RGS18: variants seen among roughly 807,000 people sequenced by gnomAD.
RGS18 encodes regulator of G-protein signaling 18.
A neutral mutation model predicts 27.6 loss-of-function variants in RGS18; 22 were observed. That is an observed-to-expected ratio of 0.80 (90% CI 0.57 to 1.14). The LOEUF (loss-of-function observed/expected upper bound fraction) is 1.14, where lower values mean the gene tolerates loss of function less well. Among genes scored for constraint, RGS18 ranks in the 50% most tolerant of loss-of-function variants. RGS18 has a pLI of 0.00. For synonymous variants in RGS18, 89 were observed against 84.6 expected (o/e 1.05, Z -0.29); for missense variants, 299 against 269.6 (o/e 1.11, Z -0.76).
intron 3 of RGS18, chr1:192,169,454 T>C (rs1656219254): frequency 6.6e-6 from 1 of 152,176 alleles, no homozygotes; most frequent in Non-Finnish European, 1.5e-5. Context: ...TAACTGGCAT[T>C]TTATTTTGCC....
At chr1:192,176,799 AAAGT>A (rs1053794584) in intron 3 of RGS18, among the ~76,000 whole-genome samples, 3 of 151,774 alleles carry the variant, frequency 2.0e-5, no homozygotes, top group Admixed American at 2.0e-4. Flanking sequence ...ATAGTTGAAC[AAAGT>A]AAGGAATACA....
intron 3 of RGS18, among the ~76,000 whole-genome samples, chr1:192,176,687 C>A (rs1656364415): frequency 6.6e-6 from 1 of 151,576 alleles, no homozygotes; most frequent in African/African-American, 2.4e-5. Context: ...TCTCTGGTAC[C>A]TAGACCAGTG....
chr1:192,170,683 A>G (rs1259577544), intron 3 of RGS18, among the ~76,000 whole-genome samples: 1 of 151,950 alleles, frequency 6.6e-6, no homozygotes, highest in African/African-American at 2.4e-5. Flanking sequence ...AAAAAAAAAG[A>G]CAAGTAAAAC....
chr1:192,174,443 T>C (rs1260464418), intron 3 of RGS18, among the ~76,000 whole-genome samples: 1 of 151,838 alleles, frequency 6.6e-6, no homozygotes, highest in Non-Finnish European at 1.5e-5. Flanking sequence ...TTCAGTCGAA[T>C]TAATGATGTT....
chr1:192,171,225 G>A (rs531919568), intron 3 of RGS18, among the ~76,000 whole-genome samples: 1 of 152,038 alleles, frequency 6.6e-6, no homozygotes, highest in African/African-American at 2.4e-5. Flanking sequence ...CTCAGTGTGA[G>A]AAATCAATCT....
intron 3 of RGS18, chr1:192,168,104 T>G (rs941426740): frequency 3.9e-5 from 6 of 152,188 alleles, no homozygotes; most frequent in African/African-American, 1.4e-4. Flanking sequence ...GGCAGCTGCA[T>G]TCACCACTGC....
chr1:192,163,352 C>A (rs1164360823), intron 3 of RGS18: 1 of 152,102 alleles, frequency 6.6e-6, no homozygotes, highest in Non-Finnish European at 1.5e-5. Flanking sequence ...GACAGGATTT[C>A]TTTCACTTAA....
In RGS18 at chr1:192,185,359, A is replaced by T. The variant is rs1057491888; in HGVS notation, c.*805A>T. On this transcript the variant is annotated 3_prime_UTR_variant, in exon 5 of 5. Coordinates refer to ENST00000367460, the MANE Select transcript of RGS18 (RefSeq NM_130782.3). ...TAAGAAAACTTGCTACTAAACTATT[A>T]GGCCATCAATGGCTTGAATAAAAAC... 6 of 151,614 alleles carry T rather than the reference A, an allele frequency of 4.0e-5. No homozygotes were observed. Among genetic ancestry groups the T allele is most frequent in the African/African-American group, 1.5e-4 (6 of 41,368 alleles). 9.4% of individuals were successfully genotyped at this position (151,614 alleles called of 1,614,324 possible).
chr1:192,159,416 A>C, intron 2 of RGS18, 95 bp downstream of exon 2: 1 of 775,742 alleles, frequency 1.3e-6, no homozygotes, highest in Non-Finnish European at 2.2e-6. Flanking sequence ...TTTATTGAAA[A>C]TTACACAGCA....
chr1:192,158,548 T>TA lies in RGS18; in HGVS notation c.-89dup. ...TACTGTAAGAGTTGTGATAACTTTT[T>TA]ATTCTACTATGTATATGTATGGAAT... On this transcript the variant is annotated 5_prime_UTR_variant, in exon 1 of 5. Coordinates refer to ENST00000367460, the MANE Select transcript of RGS18 (RefSeq NM_130782.3). The TA allele has an allele frequency of 8.8e-7, 1 of 1,132,434 alleles. No homozygotes were observed. The highest frequency in any genetic ancestry group is 1.2e-6 in the Non-Finnish European group (1 of 857,602). The allele number at this position is 1,132,434 out of a possible 1,614,324, so 70.1% of individuals were successfully genotyped here.
At chr1:192,159,801 T>A (rs889794399) in intron 2 of RGS18, among the ~76,000 whole-genome samples, 2 of 152,116 alleles carry the variant, frequency 1.3e-5, no homozygotes, top group African/African-American at 4.8e-5. Flanking sequence ...TCTTCCAAAT[T>A]AGAGTATAAT....
chr1:192,163,661 T>C (rs1259365816), intron 3 of RGS18: 1 of 152,030 alleles, frequency 6.6e-6, no homozygotes, highest in Non-Finnish European at 1.5e-5. Context: ...AAATATATTA[T>C]ATTGAATTCA....
rs1464339988 is a variant in RGS18, at chr1:192,160,403, T to C, written c.247T>C (p.Trp83Arg). ...TRVSPEEAVK[W>R]GESFDKLLSH... ...AGTCTCCCCTGAAGAGGCAGTGAAA[T>C]GGGGTGAATCATTTGACAAACTGCT... Residue 83 changes from tryptophan to arginine, a missense_variant, in exon 3 of 5, where the codon TGG (tryptophan) becomes CGG (arginine). By Grantham distance (101) the Trp-to-Arg change is moderately radical. Coordinates refer to ENST00000367460, the MANE Select transcript of RGS18 (RefSeq NM_130782.3). 1.2e-6 allele frequency: 2 copies of C among 1,612,440 alleles called. No individual in the cohort carries two copies. The highest frequency in any genetic ancestry group is 1.7e-6 in the Non-Finnish European group (2 of 1,178,774).
At position 192,160,420 on chromosome 1, in the gene RGS18, C is replaced by CAAACT; in HGVS notation, c.265_269dup (p.Leu91AsnfsTer9). On this transcript the variant is annotated frameshift_variant, in exon 3 of 5. Coordinates refer to ENST00000367460, the MANE Select transcript of RGS18 (RefSeq NM_130782.3). LOFTEE classifies it high-confidence loss of function. Reference sequence around the variant, plus strand: ...CAGTGAAATGGGGTGAATCATTTGACAAACTGCTTTCCCATAGAGGTTAGT... The same window carrying CAAACT: ...CAGTGAAATGGGGTGAATCATTTGACAAACTAAACTGCTTTCCCATAGAGGTTAGT... 1 of 1,611,754 alleles carries CAAACT rather than the reference C, an allele frequency of 6.2e-7. No homozygotes were observed. The highest frequency in any genetic ancestry group is 8.5e-7 in the Non-Finnish European group (1 of 1,178,060).
chr1:192,159,641 A>G (rs539602720), intron 2 of RGS18, among the ~76,000 whole-genome samples: 2 of 152,306 alleles, frequency 1.3e-5, no homozygotes, highest in African/African-American at 4.8e-5. Flanking sequence ...CAATATTGTC[A>G]TAGCAGAGAG....
chr1:192,184,643 T>G lies in RGS18; in HGVS notation c.*89T>G. ...TTATGTTAAGATTTGGTCCCATCCTTTAAACTGAAATATGTCATGTGAAAT... is the reference window on the plus strand; with the variant it reads ...TTATGTTAAGATTTGGTCCCATCCTGTAAACTGAAATATGTCATGTGAAAT... On this transcript the variant is annotated 3_prime_UTR_variant, in exon 5 of 5. Coordinates refer to ENST00000367460, the MANE Select transcript of RGS18 (RefSeq NM_130782.3). 1 of 1,251,986 alleles carries G rather than the reference T, an allele frequency of 8.0e-7. No homozygotes were observed. Among genetic ancestry groups the G allele is most frequent in the Non-Finnish European group, 1.1e-6 (1 of 896,062 alleles). 77.6% of individuals were successfully genotyped at this position (1,251,986 alleles called of 1,614,324 possible). A position where few individuals can be genotyped will look rare whatever the true frequency, so the allele number is the denominator to read the frequency against.
At chr1:192,160,161 AAT>A (rs1662121918) in intron 2 of RGS18, among the ~76,000 whole-genome samples, 2 of 152,170 alleles carry the variant, frequency 1.3e-5, no homozygotes, top group Admixed American at 6.5e-5. Context: ...GAAAAAAAAT[AAT>A]GTTATTTCAA....
intron 3 of RGS18, among the ~76,000 whole-genome samples, chr1:192,174,508 T>C (rs141239300): frequency 1.4e-4 from 22 of 151,988 alleles, no homozygotes; most frequent in African/African-American, 4.8e-4. Context: ...AATTAATGAG[T>C]AAGCAGAATT....
chr1:192,160,072 C>A (rs1427553675), intron 2 of RGS18, among the ~76,000 whole-genome samples: 9 of 151,646 alleles, frequency 5.9e-5, no homozygotes, highest in Non-Finnish European at 2.9e-5. Context: ...GACCTGATTT[C>A]TTTATATTTG....
Sources: gnomAD v4.1 joint callset for allele counts (sites outside exome capture counted in the v4.1 genomes callset) on GRCh38, gnomAD v4.1.1 for gene constraint, MANE v1.5 for transcripts, NCBI Gene and HGNC (gene_info 2026-07-23, HGNC 2026-07-21) for gene names.